ADGRA2: variants seen among roughly 807,000 people sequenced by gnomAD.
ADGRA2 encodes G-protein coupled receptor 124.
A neutral mutation model predicts 98.7 loss-of-function variants in ADGRA2; 61 were observed. The ratio of observed to expected loss-of-function variants is 0.62; its 90% CI spans 0.50 to 0.76. The LOEUF is 0.76. ADGRA2 is among the 30% of genes least tolerant of loss of function. The pLI, the probability that ADGRA2 is intolerant of heterozygous loss-of-function variation, is 0.00. For synonymous variants in ADGRA2, 858 were observed against 831.5 expected (o/e 1.03, Z -0.55); for missense variants, 1,712 against 1,860.0 (o/e 0.92, Z 1.46).
At chr8:37,813,820 C>T (rs1804909338) in intron 1 of ADGRA2, among the ~76,000 whole-genome samples, 1 of 152,242 alleles carries the variant, frequency 6.6e-6, no homozygotes, top group Non-Finnish European at 1.5e-5. Flanking sequence ...CCCACTGCCC[C>T]TGGTCTGTTC....
chr8:37,838,865 A>G, intron 14 of ADGRA2, 91 bp from the exon 15 acceptor site: 1 of 1,454,844 alleles, frequency 6.9e-7, no homozygotes, highest in Non-Finnish European at 9.2e-7. Context: ...GTGCAGGACC[A>G]AGGCTGACGG....
intron 2 of ADGRA2, among the ~76,000 whole-genome samples, chr8:37,819,185 A>G (rs1179689570): frequency 6.6e-6 from 1 of 152,150 alleles, no homozygotes; most frequent in Non-Finnish European, 1.5e-5. Context: ...GGACACCCAC[A>G]GCGCCCATAA....
In ADGRA2 at chr8:37,802,212, T is replaced by G. The variant is rs568820681; in HGVS notation, c.266+4678T>G. 1.3e-5 allele frequency among the ~76,000 whole-genome samples: 2 copies of G among 152,324 alleles called. No homozygotes were observed. The highest frequency in any genetic ancestry group is 4.8e-5 in the African/African-American group (2 of 41,572). ...CTGGGACTCACTTCAGGGCCCCTCG[T>G]TACAGCCACCAGGATCCAGTTAGGG... On this transcript the variant is annotated intron_variant, in intron 1 of 18. Transcript: ENST00000412232. The surrounding 1 kb of genome is among the most constrained non-coding windows in gnomAD (Gnocchi z 4.7).
rs1395527297 is a variant in ADGRA2, at chr8:37,834,101, C to T, written c.1581C>T (p.Leu527=). 6.2e-7 allele frequency: 1 copy of T among 1,612,124 alleles called. No homozygotes were observed. Among genetic ancestry groups the T allele is most frequent in the African/African-American group, 1.3e-5 (1 of 74,942 alleles). Residue 527 remains leucine, a synonymous_variant, in exon 11 of 19, where the codon CTC becomes CTT. Coordinates refer to ENST00000412232, the MANE Select transcript of ADGRA2 (RefSeq NM_032777.10). This position sits in a 1 kb window ranked among gnomAD's most constrained non-coding sequence, Gnocchi z 4.2. ...GALERIGGAA[L]SPHAQHISVN... The stretch of plus-strand genomic sequence containing the variant: ...TGGAGCGCATTGGGGGGGCCGCCCT[C>T]AGCCCCCATGCCCAGCACATCTCAG...
At chr8:37,798,216 C>T (rs529520754) in intron 1 of ADGRA2, among the ~76,000 whole-genome samples, 88 of 152,350 alleles carry the variant, frequency 5.8e-4, no homozygotes, top group African/African-American at 2.0e-3. Flanking sequence ...TGCTGGGTCC[C>T]GCGTCCTTGC....
Position 37,833,797 on chromosome 8 carries a change from T to C in ADGRA2, c.1406T>C (p.Met469Thr). The part of the protein sequence containing the change: ...DMMDVVYVAQ[M>T]IQKFLGYVDQ... ...ATGGATGTAGTCTATGTGGCTCAGA[T>C]GATCCAGAAATTTTTGGGTTATGTC... The change falls in exon 10 of 19, where the codon ATG becomes ACG. Residue 469 changes from methionine to threonine, a missense_variant. Coordinates refer to ENST00000412232, the MANE Select transcript of ADGRA2 (RefSeq NM_032777.10). 2 of 1,614,218 alleles carry C rather than the reference T, an allele frequency of 1.2e-6. No individual in the cohort carries two copies. The highest frequency in any genetic ancestry group is 1.7e-6 in the Non-Finnish European group (2 of 1,180,046).
chr8:37,821,467 C>G (rs1031003521), intron 2 of ADGRA2, among the ~76,000 whole-genome samples: 1 of 152,174 alleles, frequency 6.6e-6, no homozygotes, highest in African/African-American at 2.4e-5. Context: ...TATACATGCT[C>G]CAAGTACAGC....
chr8:37,830,912 C>T lies in ADGRA2; in HGVS notation c.921C>T (p.Thr307=), dbSNP rs1347842091. 1.9e-6 allele frequency: 3 copies of T among 1,576,132 alleles called. No individual in the cohort carries two copies. The highest frequency in any genetic ancestry group is 2.7e-5 in the African/African-American group (2 of 74,286). ...CCGAGAGCCTCATCCACGACTGCAC[C>T]TTCATCACCAGGTATGAGCCCCGCT... ...LLAESLIHDC[T]FITSELTLSH... The change falls in exon 7 of 19, where the codon ACC becomes ACT. Residue 307 remains threonine, a synonymous_variant. Transcript: ENST00000412232. This position sits in a 1 kb window ranked among gnomAD's most constrained non-coding sequence, Gnocchi z 4.8.
rs967006214 is a variant in ADGRA2, at chr8:37,802,264, C to A, written c.266+4730C>A. ...AATTTGGGCAAAGTGTGCCAAGCGT[C>A]GTGCACATGGCCCGAGGGCAGGACA... On this transcript the variant is annotated intron_variant, in intron 1 of 18. Transcript: ENST00000412232. The surrounding 1 kb of genome is among the most constrained non-coding windows in gnomAD (Gnocchi z 4.7). Among the ~76,000 whole-genome samples, 1 of 152,172 alleles carries A rather than the reference C, an allele frequency of 6.6e-6. No homozygotes were observed. Among genetic ancestry groups the A allele is most frequent in the Non-Finnish European group, 1.5e-5 (1 of 68,034 alleles).
chr8:37,829,981 C>T lies in ADGRA2; in HGVS notation c.685C>T (p.Leu229=), dbSNP rs758371884. ...AYPSALHAQA[L]GSLQEAQLCC... ...CCCCAGTGCCCTGCATGCTCAGGCC[C>T]TGGGCAGCCTCCAGGAGGCCCAGCT... Residue 229 remains leucine (L), a synonymous_variant, in exon 6 of 19, where the codon CTG becomes TTG. Coordinates refer to ENST00000412232, the MANE Select transcript of ADGRA2 (RefSeq NM_032777.10). 1.9e-6 allele frequency: 3 copies of T among 1,597,582 alleles called. No homozygotes were observed. In the African/African-American group the frequency reaches 4.0e-5, roughly 21 times the overall value.
rs570907091 is a variant in ADGRA2, at chr8:37,805,931, C to A, written c.266+8397C>A. On this transcript the variant is annotated intron_variant, in intron 1 of 18. Coordinates refer to ENST00000412232, the MANE Select transcript of ADGRA2 (RefSeq NM_032777.10). Reference sequence around the variant, plus strand: ...TTTGTTAGCTGGGCATGGTGGCATACTAGCTAGTCCAGAGGCTGAGGCAAG... The same window carrying A: ...TTTGTTAGCTGGGCATGGTGGCATAATAGCTAGTCCAGAGGCTGAGGCAAG... Among the ~76,000 whole-genome samples, 415 of 152,178 alleles carry A rather than the reference C, an allele frequency of 2.7e-3. 3 individuals carry two copies. Among genetic ancestry groups the A allele is most frequent in the Non-Finnish European group, 4.3e-3 (293 of 67,996 alleles).
At chr8:37,809,282 C>T (rs552778872) in intron 1 of ADGRA2, among the ~76,000 whole-genome samples, 4 of 148,690 alleles carry the variant, frequency 2.7e-5, no homozygotes, top group East Asian at 2.0e-4. Flanking sequence ...GGCAATAGAG[C>T]GAAACTTGTC....
intron 1 of ADGRA2, among the ~76,000 whole-genome samples, chr8:37,810,516 AAAG>A (rs1450773713): frequency 6.6e-6 from 1 of 151,456 alleles, no homozygotes; most frequent in African/African-American, 2.4e-5. Context: ...TCTCAAAAAA[AAAG>A]AAAAGAAACA....
chr8:37,815,280 C>T (rs886338419), intron 2 of ADGRA2, among the ~76,000 whole-genome samples: 1 of 152,252 alleles, frequency 6.6e-6, no homozygotes, highest in Non-Finnish European at 1.5e-5. Flanking sequence ...ACTGGCCTCC[C>T]CCTCGCAGCT....
At chr8:37,816,995 A>C (rs1216317674) in intron 2 of ADGRA2, among the ~76,000 whole-genome samples, 1 of 150,154 alleles carries the variant, frequency 6.7e-6, no homozygotes, top group East Asian at 2.0e-4. Context: ...GGCTCCTGTC[A>C]AGTTCAAAGG....
chr8:37,813,128 G>A (rs890579699), intron 1 of ADGRA2, among the ~76,000 whole-genome samples: 1 of 152,182 alleles, frequency 6.6e-6, no homozygotes, highest in African/African-American at 2.4e-5. Context: ...AGCCACTCAG[G>A]CAGAGGCAGG....
Position 37,833,664 on chromosome 8 carries a change from CCT to C in ADGRA2, c.1297-17_1297-16del, listed in dbSNP as rs761650935. 5 of 1,611,916 alleles carry C rather than the reference CCT, an allele frequency of 3.1e-6. 1 individual carries two copies. The South Asian group carries it at 5.5e-5, about 18-fold the overall frequency. ...GGGCAGAAGGAACAGGCGAGATGAT[CCT>C]CTCTCTTCCCCCAATCCCCAGATGC... On this transcript the variant is annotated intron_variant, in intron 9 of 18. Transcript: ENST00000412232.
intron 2 of ADGRA2, among the ~76,000 whole-genome samples, chr8:37,819,271 C>G (rs113767951): frequency 2.3e-4 from 35 of 152,240 alleles, no homozygotes; most frequent in African/African-American, 7.7e-4. Flanking sequence ...AAGGGTGTGC[C>G]GTGGGCAGCA....
chr8:37,797,045 G>A lies in ADGRA2; in HGVS notation c.-224G>A. ...GGCCGCGCAGCTGGGAGCTGCCCGC[G>A]CTGCGCTGACAGCCGCGCCGACGTC... On this transcript the variant is annotated 5_prime_UTR_variant, in exon 1 of 19. Transcript: ENST00000412232. This position sits in a 1 kb window ranked among gnomAD's most constrained non-coding sequence, Gnocchi z 5.3. The A allele has an allele frequency of 5.1e-6, 1 of 196,326 alleles. No individual in the cohort carries two copies. The allele number at this position is 196,326 out of a possible 1,614,324, so 12.2% of individuals were successfully genotyped here.
Sources: allele counts gnomAD v4.1 joint callset (sites outside exome capture counted in the v4.1 genomes callset), GRCh38; gene constraint gnomAD v4.1.1; non-coding constraint Gnocchi (gnomAD v3.1); transcripts MANE v1.5; gene names NCBI Gene and HGNC (gene_info 2026-07-23, HGNC 2026-07-21).